Variants in CDH13 observed in about 807,000 individuals in gnomAD.
The protein encoded by CDH13 is cadherin 13.
A neutral mutation model predicts 63.8 loss-of-function variants in CDH13; 24 were observed. The ratio of observed to expected loss-of-function variants is 0.38; its 90% CI spans 0.27 to 0.53. The LOEUF (loss-of-function observed/expected upper bound fraction) is 0.53, where lower values mean the gene tolerates loss of function less well. CDH13 is among the 20% of genes least tolerant of loss of function. The pLI is 0.85. For synonymous variants in CDH13, 503 were observed against 355.3 expected (o/e 1.42, Z -4.67); for missense variants, 1,049 against 903.1 (o/e 1.16, Z -2.07).
At chr16:82,941,244 T>G (rs918656) in intron 2 of CDH13, among the ~76,000 whole-genome samples, 49,446 of 152,048 alleles carry the variant, frequency 0.33, 9,318 homozygotes, top group African/African-American at 0.51. Flanking sequence ...CTCAAAGAAT[T>G]TTAGGTTTTA....
At chr16:83,531,170 C>T (rs193233594) in intron 7 of CDH13, among the ~76,000 whole-genome samples, 2 of 152,318 alleles carry the variant, frequency 1.3e-5, no homozygotes, top group East Asian at 1.9e-4. Flanking sequence ...GTTAAATCAA[C>T]GTACATGGCT....
At chr16:82,668,721 G>C (rs983622195) in intron 1 of CDH13, among the ~76,000 whole-genome samples, 1 of 152,144 alleles carries the variant, frequency 6.6e-6, no homozygotes, top group African/African-American at 2.4e-5. Flanking sequence ...AATGACTGTC[G>C]TAGGAGTGTT....
intron 6 of CDH13, among the ~76,000 whole-genome samples, chr16:83,368,977 T>A (rs2091311094): frequency 7.2e-6 from 1 of 139,078 alleles, no homozygotes; most frequent in African/African-American, 2.6e-5. Context: ...GATGGGCACT[T>A]GGCCTGGTTC....
At chr16:83,328,399 A>T (rs7191306) in intron 5 of CDH13, among the ~76,000 whole-genome samples, 86,078 of 151,970 alleles carry the variant, frequency 0.57, 24,515 homozygotes, top group South Asian at 0.63. Context: ...GAGTGAAATG[A>T]TCAAAGTTAC....
chr16:82,800,557 C>G (rs937464229), intron 1 of CDH13, among the ~76,000 whole-genome samples: 3 of 152,182 alleles, frequency 2.0e-5, no homozygotes, highest in Non-Finnish European at 4.4e-5. Flanking sequence ...ATCACATTAA[C>G]AAAGGGCTCA....
intron 1 of CDH13, among the ~76,000 whole-genome samples, chr16:82,812,138 A>G (rs1691235035): frequency 6.6e-6 from 1 of 151,998 alleles, no homozygotes; most frequent in South Asian, 2.1e-4. Context: ...TTATCTCCTA[A>G]CAATCATTGT....
chr16:83,587,523 A>G (rs536580819), intron 7 of CDH13, among the ~76,000 whole-genome samples: 53 of 152,302 alleles, frequency 3.5e-4, no homozygotes, highest in South Asian at 1.9e-3. Context: ...CGCAATTTTT[A>G]GCCTGACCTT....
At chr16:82,921,841 T>C (rs1717975812) in intron 2 of CDH13, among the ~76,000 whole-genome samples, 2 of 152,198 alleles carry the variant, frequency 1.3e-5, no homozygotes, top group Admixed American at 1.3e-4. Context: ...CCTCTTTAAA[T>C]GCTTGATAAA....
At chr16:83,284,124 G>A (rs9332462) in intron 5 of CDH13, among the ~76,000 whole-genome samples, 64,234 of 151,908 alleles carry the variant, frequency 0.42, 14,209 homozygotes, top group East Asian at 0.65. Context: ...AACTCATCCC[G>A]CAGTTTTCAA....
At chr16:82,680,464 G>T (rs77261491) in intron 1 of CDH13, among the ~76,000 whole-genome samples, 1,856 of 148,504 alleles carry the variant, frequency 0.012, 43 homozygotes, top group African/African-American at 0.044. Flanking sequence ...ATTGCTGTGT[G>T]GTTGAGATCT....
intron 4 of CDH13, among the ~76,000 whole-genome samples, chr16:83,202,557 G>A (rs373652016): frequency 6.6e-6 from 1 of 152,172 alleles, no homozygotes; most frequent in East Asian, 1.9e-4. Flanking sequence ...TCAGGATTTC[G>A]GATGAAAATC....
chr16:82,642,557 A>T (rs1296014609), intron 1 of CDH13, among the ~76,000 whole-genome samples: 1 of 152,170 alleles, frequency 6.6e-6, no homozygotes, highest in Non-Finnish European at 1.5e-5. Context: ...AGACTTGACT[A>T]TATTCATTTA....
intron 1 of CDH13, among the ~76,000 whole-genome samples, chr16:82,639,669 C>G (rs1199378697): frequency 6.6e-6 from 1 of 152,192 alleles, no homozygotes; most frequent in East Asian, 1.9e-4. Flanking sequence ...TTGAATGTAA[C>G]TTGAAGTTTA....
chr16:82,635,102 C>T (rs1013940649), intron 1 of CDH13, among the ~76,000 whole-genome samples: 3 of 152,218 alleles, frequency 2.0e-5, no homozygotes, highest in Non-Finnish European at 2.9e-5. Context: ...CCTAGGTGTT[C>T]TTTGTCTTTC....
intron 2 of CDH13, among the ~76,000 whole-genome samples, chr16:82,958,100 C>T (rs766860473): frequency 6.6e-6 from 1 of 152,170 alleles, no homozygotes; most frequent in Non-Finnish European, 1.5e-5. Flanking sequence ...TACTCAGAGT[C>T]TGCTGTGTGC....
intron 3 of CDH13, among the ~76,000 whole-genome samples, chr16:83,105,758 C>T (rs1181282876): frequency 6.6e-6 from 1 of 152,176 alleles, no homozygotes; most frequent in African/African-American, 2.4e-5. Context: ...CTAACCTGTA[C>T]TGAAGAATGA....
At chr16:83,129,204 G>A (rs2035942730) in intron 4 of CDH13, among the ~76,000 whole-genome samples, 1 of 152,140 alleles carries the variant, frequency 6.6e-6, no homozygotes, top group Non-Finnish European at 1.5e-5. Flanking sequence ...CACAGAGGCA[G>A]AGCTCTGGCC....
intron 2 of CDH13, among the ~76,000 whole-genome samples, chr16:82,863,076 G>C (rs1214679714): frequency 2.0e-5 from 3 of 152,176 alleles, no homozygotes; most frequent in Admixed American, 6.5e-5. Flanking sequence ...AAACGTAGAA[G>C]AACACATGGG....
intron 1 of CDH13, among the ~76,000 whole-genome samples, chr16:82,695,703 T>C (rs907288289): frequency 6.6e-6 from 1 of 152,198 alleles, no homozygotes; most frequent in Admixed American, 6.5e-5. Flanking sequence ...GACATGATTG[T>C]TAGGTCACTA....
Sources: gnomAD v4.1 joint callset for allele counts (sites outside exome capture counted in the v4.1 genomes callset) on GRCh38, gnomAD v4.1.1 for gene constraint, MANE v1.5 for transcripts, NCBI Gene and HGNC (gene_info 2026-07-23, HGNC 2026-07-21) for gene names.